The following MAPK8 variants were observed in gnomAD, a reference collection of about 807,000 sequenced individuals.
MAPK8 encodes the protein JUN N-terminal kinase.
Under a neutral mutation model 52.9 loss-of-function variants are expected in MAPK8, and 13 were observed. The ratio of observed to expected loss-of-function variants is 0.25; its 90% confidence interval spans 0.16 to 0.39. MAPK8 has a LOEUF of 0.39. Among genes scored for constraint, MAPK8 ranks in the 10% least tolerant of loss-of-function variants. MAPK8 has a pLI of 1.00. For synonymous variants in MAPK8, 191 were observed against 169.8 expected (o/e 1.12, Z -0.97); for missense variants, 300 against 519.2 (o/e 0.58, Z 4.10).
At chr10:48,366,605 T>G (rs1848065578) in intron 1 of MAPK8, among the ~76,000 whole-genome samples, 1 of 152,198 alleles carries the variant, frequency 6.6e-6, no homozygotes, top group African/African-American at 2.4e-5. Context: ...CAAATCTGAT[T>G]GAACAGTATA....
chr10:48,309,604 G>C (rs7070529), intron 1 of MAPK8, among the ~76,000 whole-genome samples: 1 of 152,140 alleles, frequency 6.6e-6, no homozygotes, highest in South Asian at 2.1e-4. Flanking sequence ...GACCTTGTGA[G>C]GATGAGATGT....
At position 48,436,204 on chromosome 10, in the gene MAPK8, A is replaced by G. The variant is rs762398413; in HGVS notation, c.*1175A>G. ...ATATATAGGATATCATTTTCTAAGG[A>G]CTGTTTCTTCACATTGAGCAGAGCA... On this transcript the variant is annotated 3_prime_UTR_variant, in exon 12 of 12. Transcript: ENST00000374189. 4 of 152,214 alleles carry G rather than the reference A, an allele frequency of 2.6e-5. No homozygotes were observed. Among genetic ancestry groups the G allele is most frequent in the Non-Finnish European group, 4.4e-5 (3 of 68,036 alleles). The allele number at this position is 152,214 out of a possible 1,614,324, so 9.4% of individuals were successfully genotyped here.
intron 1 of MAPK8, among the ~76,000 whole-genome samples, chr10:48,387,560 T>C (rs978605015): frequency 2.6e-5 from 4 of 152,180 alleles, no homozygotes; most frequent in African/African-American, 9.7e-5. Context: ...TTAAACTGCT[T>C]ATGGTAGTGA....
chr10:48,322,156 G>C (rs1843059935), intron 1 of MAPK8, among the ~76,000 whole-genome samples: 1 of 152,108 alleles, frequency 6.6e-6, no homozygotes, highest in African/African-American at 2.4e-5. Context: ...CTTTAGTAAA[G>C]TTTTCAAGTG....
intron 5 of MAPK8, among the ~76,000 whole-genome samples, chr10:48,411,537 T>C (rs78584978): frequency 2.6e-5 from 4 of 152,354 alleles, no homozygotes; most frequent in Non-Finnish European, 5.9e-5. Context: ...TCGTAGTAAC[T>C]TGAAATGGAG....
chr10:48,420,085 A>T, intron 5 of MAPK8, 70 bp from the exon 6 acceptor site: 1 of 1,167,324 alleles, frequency 8.6e-7, no homozygotes, highest in Non-Finnish European at 1.2e-6. Flanking sequence ...GGGATAGTAT[A>T]ACTTTATTGT....
chr10:48,354,155 TA>T (rs528008393), intron 1 of MAPK8, among the ~76,000 whole-genome samples: 11 of 152,106 alleles, frequency 7.2e-5, no homozygotes, highest in Admixed American at 2.6e-4. Context: ...ATTTCAAAAT[TA>T]AAAAAAAATT....
At chr10:48,404,592 T>C (rs1164410368) in intron 2 of MAPK8, among the ~76,000 whole-genome samples, 1 of 152,196 alleles carries the variant, frequency 6.6e-6, no homozygotes, top group African/African-American at 2.4e-5. Context: ...GGTGGATCTT[T>C]GAGGCAACAC....
At chr10:48,369,687 G>T (rs368662416) in intron 1 of MAPK8, among the ~76,000 whole-genome samples, 2 of 152,226 alleles carry the variant, frequency 1.3e-5, no homozygotes, top group East Asian at 1.9e-4. Flanking sequence ...GCTAGCAGAG[G>T]GGGGAAAATG....
intron 10 of MAPK8, chr10:48,430,848 G>T (rs1291666199): frequency 7.2e-6 from 2 of 276,648 alleles, no homozygotes; most frequent in Non-Finnish European, 1.3e-5. Context: ...AGCCCTCCCT[G>T]AGACAGATGG....
intron 6 of MAPK8, among the ~76,000 whole-genome samples, chr10:48,423,088 G>A (rs2043459435): frequency 6.6e-6 from 1 of 152,128 alleles, no homozygotes. Flanking sequence ...CTGTTACACT[G>A]CAAGCACTTA....
intron 2 of MAPK8, among the ~76,000 whole-genome samples, chr10:48,403,917 T>TGTG (rs2042301554): frequency 1.6e-5 from 2 of 125,672 alleles, no homozygotes; most frequent in South Asian, 2.6e-4. Context: ...CCCGGCTAAT[T>TGTG]TGTGTGTGTG....
At chr10:48,373,490 C>T (rs568261990) in intron 1 of MAPK8, among the ~76,000 whole-genome samples, 125 of 143,062 alleles carry the variant, frequency 8.7e-4, no homozygotes, top group African/African-American at 3.2e-3. Context: ...GTGCTATATT[C>T]AGGAGACCCA....
intron 2 of MAPK8, among the ~76,000 whole-genome samples, chr10:48,402,303 T>G (rs562019125): frequency 4.6e-5 from 7 of 152,334 alleles, no homozygotes; most frequent in African/African-American, 1.4e-4. Flanking sequence ...GCTTGTTAAT[T>G]TCATGTATAC....
At chr10:48,407,863 C>T (rs1355905842) in intron 3 of MAPK8, among the ~76,000 whole-genome samples, 1 of 152,120 alleles carries the variant, frequency 6.6e-6, no homozygotes, top group Non-Finnish European at 1.5e-5. Context: ...CTCTCTTCTA[C>T]TCTAGGGCTT....
At chr10:48,352,948 C>T (rs1846479381) in intron 1 of MAPK8, among the ~76,000 whole-genome samples, 2 of 152,116 alleles carry the variant, frequency 1.3e-5, no homozygotes, top group Admixed American at 1.3e-4. Context: ...TTTCTCTACA[C>T]TAGCAATGAA....
At chr10:48,326,079 T>A (rs1843490898) in intron 1 of MAPK8, 1 of 152,214 alleles carries the variant, frequency 6.6e-6, no homozygotes, top group East Asian at 1.9e-4. Context: ...CTTTTCATAC[T>A]GTAATACTGG....
In MAPK8 at chr10:48,435,887, G is replaced by A. The variant is rs1370085474; in HGVS notation, c.*858G>A. 2 of 152,218 alleles carry A rather than the reference G, an allele frequency of 1.3e-5. No individual in the cohort carries two copies. Among genetic ancestry groups the A allele is most frequent in the Non-Finnish European group, 2.9e-5 (2 of 68,046 alleles). 9.4% of individuals were successfully genotyped at this position (152,218 alleles called of 1,614,324 possible). On this transcript the variant is annotated 3_prime_UTR_variant, in exon 12 of 12. Transcript: ENST00000374189. The stretch of plus-strand genomic sequence containing the variant: ...CAGATGGTTCACTTCTACTAGCTAT[G>A]AGCCTGTTTTTGTATACACTGAGTT...
At chr10:48,385,160 G>T (rs536746954) in intron 1 of MAPK8, among the ~76,000 whole-genome samples, 2 of 152,286 alleles carry the variant, frequency 1.3e-5, no homozygotes, top group Admixed American at 1.3e-4. Context: ...ATAGCATGTG[G>T]CTTCAAGAGG....
Sources: allele counts gnomAD v4.1 joint callset (sites outside exome capture counted in the v4.1 genomes callset), GRCh38; gene constraint gnomAD v4.1.1; transcripts MANE v1.5; gene names NCBI Gene and HGNC (gene_info 2026-07-23, HGNC 2026-07-21).